The following ITPR1 variants were observed in gnomAD, a reference collection of about 807,000 sequenced individuals.
ITPR1 encodes inositol 1,4,5-trisphosphate-gated calcium channel ITPR1.
Under a neutral mutation model 318.4 loss-of-function variants are expected in ITPR1, and 96 were observed. The ratio of observed to expected loss-of-function variants is 0.30; its 90% CI spans 0.26 to 0.36. ITPR1 has a LOEUF of 0.36. ITPR1 is among the 10% of genes least tolerant of loss of function. ITPR1 has a pLI of 1.00. For synonymous variants in ITPR1, 1,312 were observed against 1,289.9 expected (o/e 1.02, Z -0.37); for missense variants, 2,440 against 3,460.2 (o/e 0.71, Z 7.40).
At chr3:4,611,546 C>A (rs754637417) in intron 4 of ITPR1, among the ~76,000 whole-genome samples, 1 of 126,012 alleles carries the variant, frequency 7.9e-6, no homozygotes, top group African/African-American at 3.2e-5. Context: ...GGTGACAGAG[C>A]GAGACTCTCT....
chr3:4,524,317 T>TG (rs1404072628), intron 4 of ITPR1, among the ~76,000 whole-genome samples: 1 of 150,698 alleles, frequency 6.6e-6, no homozygotes, highest in East Asian at 1.9e-4. Context: ...TTTTTTTTTT[T>TG]TTTTTTTTTT....
At chr3:4,552,299 A>G (rs867493083) in intron 4 of ITPR1, among the ~76,000 whole-genome samples, 4 of 152,152 alleles carry the variant, frequency 2.6e-5, no homozygotes, top group South Asian at 2.1e-4. Flanking sequence ...TCAGCCCCCA[A>G]GAATGCCCCA....
At chr3:4,568,354 T>C (rs567194223) in intron 4 of ITPR1, among the ~76,000 whole-genome samples, 15 of 152,386 alleles carry the variant, frequency 9.8e-5, no homozygotes, top group Non-Finnish European at 1.8e-4. Context: ...TTCTCCCCTT[T>C]GCTCACTCCA....
intron 4 of ITPR1, among the ~76,000 whole-genome samples, chr3:4,595,196 G>A (rs1559505914): frequency 6.6e-6 from 1 of 152,192 alleles, no homozygotes; most frequent in African/African-American, 2.4e-5. Flanking sequence ...TAGAAAAGAG[G>A]TTTAATTAGC....
chr3:4,684,821 G>A lies in ITPR1; in HGVS notation c.3565-248G>A, dbSNP rs369857675. On this transcript the variant is annotated intron_variant, in intron 29 of 61. Transcript: ENST00000649015. ...ATGATGCCAGGTCATTCCATTTTAA[G>A]CGATATCTCTGAAACTGTCCCACTT... Among the ~76,000 whole-genome samples the A allele has an allele frequency of 2.2e-4, 34 of 152,306 alleles. 1 individual carries two copies. In the East Asian group the frequency reaches 4.8e-3, roughly 22 times the overall value.
At chr3:4,699,158 G>A (rs1198979982) in intron 34 of ITPR1, among the ~76,000 whole-genome samples, 1 of 151,254 alleles carries the variant, frequency 6.6e-6, no homozygotes, top group African/African-American at 2.4e-5. Flanking sequence ...AGACCAGCCT[G>A]GCCAATGTGG....
Position 4,662,260 on chromosome 3 carries a change from C to G in ITPR1, c.1412+18C>G. ...GAAAGGAGGTGAGCACTCCCGCATG[C>G]TCAGCACAGCCGCCCTCCCGCACTG... On this transcript the variant is annotated intron_variant, in intron 15 of 61. Coordinates refer to ENST00000649015, the MANE Select transcript of ITPR1 (RefSeq NM_001378452.1). 1 of 1,565,198 alleles carries G rather than the reference C, an allele frequency of 6.4e-7. No homozygotes were observed. The highest frequency in any genetic ancestry group is 8.7e-7 in the Non-Finnish European group (1 of 1,153,742).
At chr3:4,714,546 C>A (rs1436167160) in intron 39 of ITPR1, among the ~76,000 whole-genome samples, 2 of 152,158 alleles carry the variant, frequency 1.3e-5, no homozygotes, top group African/African-American at 4.8e-5. Context: ...TGCCCGAGGT[C>A]ACGTGTGAAG....
At chr3:4,504,185 G>A (rs2081238553) in intron 2 of ITPR1, among the ~76,000 whole-genome samples, 3 of 152,122 alleles carry the variant, frequency 2.0e-5, no homozygotes, top group African/African-American at 7.2e-5. Context: ...ATGTCAGTGC[G>A]GGCATCTTTT....
chr3:4,798,893 G>T (rs1428795557), intron 53 of ITPR1, among the ~76,000 whole-genome samples: 1 of 152,162 alleles, frequency 6.6e-6, no homozygotes, highest in Non-Finnish European at 1.5e-5. Flanking sequence ...AAAGCTATAG[G>T]GACTGACACT....
At chr3:4,498,445 T>C (rs139542387) in intron 2 of ITPR1, among the ~76,000 whole-genome samples, 34 of 152,192 alleles carry the variant, frequency 2.2e-4, no homozygotes, top group African/African-American at 7.5e-4. Flanking sequence ...GGGAGAGTGC[T>C]AGGAGTTCAG....
chr3:4,603,403 T>C (rs1187849001), intron 4 of ITPR1, among the ~76,000 whole-genome samples: 1 of 132,012 alleles, frequency 7.6e-6, no homozygotes, highest in Non-Finnish European at 1.6e-5. Flanking sequence ...ATGTACCACA[T>C]TTTCTTTTCT....
chr3:4,697,116 T>C, intron 33 of ITPR1, 31 bp from the exon 34 acceptor site: 1 of 1,605,538 alleles, frequency 6.2e-7, no homozygotes, highest in Non-Finnish European at 8.5e-7. Context: ...ACCAAGATGG[T>C]TTTTCAGAAA....
chr3:4,836,881 C>A lies in ITPR1; in HGVS notation c.8136C>A (p.Ser2712=), dbSNP rs1384242715. Residue 2712 remains serine (S), a synonymous_variant, in exon 61 of 62, where the codon TCC becomes TCA. Coordinates refer to ENST00000649015, the MANE Select transcript of ITPR1 (RefSeq NM_001378452.1). The part of the protein sequence containing the change: ...ELRNLQEKLE[S]TMKLVTNLSG... Reference sequence around the variant, plus strand: ...GAAACCTGCAGGAGAAGCTGGAGTCCACCATGAAACTTGTCACGAACCTTT... The same window carrying A: ...GAAACCTGCAGGAGAAGCTGGAGTCAACCATGAAACTTGTCACGAACCTTT... 4.4e-6 allele frequency: 7 copies of A among 1,596,744 alleles called. No individual in the cohort carries two copies. In the South Asian group the frequency reaches 4.5e-5, roughly 10 times the overall value.
At chr3:4,551,787 C>A (rs892885717) in intron 4 of ITPR1, among the ~76,000 whole-genome samples, 4 of 152,230 alleles carry the variant, frequency 2.6e-5, no homozygotes, top group African/African-American at 9.6e-5. Context: ...GAGAAGTCGG[C>A]TTAAGTTATA....
intron 52 of ITPR1, among the ~76,000 whole-genome samples, chr3:4,791,051 C>T (rs1035749482): frequency 2.0e-5 from 3 of 152,170 alleles, no homozygotes; most frequent in Admixed American, 2.0e-4. Flanking sequence ...ATGTGATTAT[C>T]CCACTCGTAA....
chr3:4,564,551 A>G (rs2087021819), intron 4 of ITPR1, among the ~76,000 whole-genome samples: 1 of 152,044 alleles, frequency 6.6e-6, no homozygotes. Flanking sequence ...CTATGTTGAA[A>G]CCTGATAACC....
At chr3:4,655,665 A>G (rs1366663753) in intron 12 of ITPR1, among the ~76,000 whole-genome samples, 2 of 152,170 alleles carry the variant, frequency 1.3e-5, no homozygotes, top group African/African-American at 2.4e-5. Context: ...GTCCAGACTC[A>G]TCCCCCATCT....
chr3:4,836,183 A>C (rs186039241), intron 60 of ITPR1, among the ~76,000 whole-genome samples: 1 of 152,192 alleles, frequency 6.6e-6, no homozygotes, highest in African/African-American at 2.4e-5. Context: ...AATACACAGC[A>C]TAATATGAGG....
Sources: gnomAD v4.1 joint callset for allele counts (sites outside exome capture counted in the v4.1 genomes callset) on GRCh38, gnomAD v4.1.1 for gene constraint, MANE v1.5 for transcripts, NCBI Gene and HGNC (gene_info 2026-07-23, HGNC 2026-07-21) for gene names.